The following OXTR variants were observed in gnomAD, a reference collection of about 807,000 sequenced individuals.
The protein encoded by OXTR is oxytocin receptor.
A neutral mutation model predicts 23.9 loss-of-function variants in OXTR; 19 were observed. The observed-to-expected ratio is 0.80, with a 90% CI of 0.56 to 1.17. The LOEUF (loss-of-function observed/expected upper bound fraction) is 1.17. Among genes scored for constraint, OXTR ranks in the 50% most tolerant of loss-of-function variants. The probability of loss-of-function intolerance (pLI) is 0.00; values close to 1 mark genes in which losing one functional copy is unlikely to be tolerated. For missense variants in OXTR, 500 were observed against 550.7 expected, an observed-to-expected ratio of 0.91 and a Z score of 0.92; for synonymous variants, 278 against 250.5, an observed-to-expected ratio of 1.11 and a Z score of -1.04.
At chr3:8,753,305 A>T (rs1708309824) in intron 3 of OXTR, 81 bp from the exon 4 acceptor site, 2 of 1,489,644 alleles carry the variant, frequency 1.3e-6, no homozygotes, top group African/African-American at 1.4e-5. Context: ...TGACTTAAAC[A>T]TCATTTCCTG....
downstream of OXTR, among the ~76,000 whole-genome samples, chr3:8,747,658 G>A (rs1260680712): frequency 6.6e-6 from 1 of 152,200 alleles, no homozygotes; most frequent in Non-Finnish European, 1.5e-5. Flanking sequence ...TGCTGCCTGT[G>A]CTCTCCCTTG....
Position 8,767,648 on chromosome 3 carries a change from C to T in OXTR, c.540G>A (p.Val180=). 6.2e-7 allele frequency: 1 copy of T among 1,612,818 alleles called. No individual in the cohort carries two copies. Among genetic ancestry groups the T allele is most frequent in the Non-Finnish European group, 8.5e-7 (1 of 1,179,644 alleles). The change falls in exon 3 of 4, where the codon GTG becomes GTA. Residue 180 remains valine, a synonymous_variant. Transcript: ENST00000316793. Reference sequence around the variant, plus strand: ...CCCAGCAGTCGAAGACGCCGTCAGCCACCTCGCGCAGAGAGAAGATGTGCA... The same window carrying T: ...CCCAGCAGTCGAAGACGCCGTCAGCTACCTCGCGCAGAGAGAAGATGTGCA... The part of the protein sequence containing the change: ...PQVHIFSLRE[V]ADGVFDCWAV...
At chr3:8,766,854 A>G (rs1159066373) in intron 3 of OXTR, among the ~76,000 whole-genome samples, 2 of 152,294 alleles carry the variant, frequency 1.3e-5, no homozygotes, top group East Asian at 3.9e-4. Context: ...AAGGAGCTTG[A>G]GCTTGGCCAG....
intron 3 of OXTR, among the ~76,000 whole-genome samples, chr3:8,765,249 G>C (rs1457706652): frequency 2.0e-5 from 3 of 152,194 alleles, no homozygotes; most frequent in African/African-American, 7.2e-5. Flanking sequence ...CCTTCTTTAG[G>C]GAGGACACAC....
chr3:8,765,761 A>C (rs1708593094), intron 3 of OXTR, among the ~76,000 whole-genome samples: 1 of 152,076 alleles, frequency 6.6e-6, no homozygotes, highest in Non-Finnish European at 1.5e-5. Context: ...TGTGCCTCTG[A>C]CTTGCTGTGT....
Position 8,751,255 on chromosome 3 carries a change from A to C in OXTR, c.*1722T>G, listed in dbSNP as rs78926119. 1 of 152,172 alleles carries C rather than the reference A, an allele frequency of 6.6e-6. No homozygotes were observed. The highest frequency in any genetic ancestry group is 6.6e-5 in the Admixed American group (1 of 15,262). 9.4% of individuals were successfully genotyped at this position (152,172 alleles called of 1,614,324 possible). On this transcript the variant is annotated 3_prime_UTR_variant, in exon 4 of 4. Transcript: ENST00000316793. ...TTTTTCTCCTTATTGTTGTGTTATAAGAGTTATTTATATATTCCAGATACA... is the reference window on the plus strand; with the variant it reads ...TTTTTCTCCTTATTGTTGTGTTATACGAGTTATTTATATATTCCAGATACA...
rs1398714396 is a variant in OXTR, at chr3:8,750,972, C to G, written c.*2005G>C. ...GGTACTGCCAAACTGTTTTTCAAAGCAGGTGCACCATTTACATTCCCACCA... is the reference window on the plus strand; with the variant it reads ...GGTACTGCCAAACTGTTTTTCAAAGGAGGTGCACCATTTACATTCCCACCA... On this transcript the variant is annotated 3_prime_UTR_variant, in exon 4 of 4. Coordinates refer to ENST00000316793, the MANE Select transcript of OXTR (RefSeq NM_000916.4). The G allele has an allele frequency of 1.3e-5, 2 of 152,142 alleles. No individual in the cohort carries two copies. Among genetic ancestry groups the G allele is most frequent in the South Asian group, 2.1e-4 (1 of 4,826 alleles). 9.4% of individuals were successfully genotyped at this position (152,142 alleles called of 1,614,324 possible).
Position 8,769,303 on chromosome 3 carries a change from T to C in OXTR, c.-311A>G, listed in dbSNP as rs1708712018. 6.6e-6 allele frequency: 1 copy of C among 152,406 alleles called. No individual in the cohort carries two copies. Among genetic ancestry groups the C allele is most frequent in the Non-Finnish European group, 1.5e-5 (1 of 68,174 alleles). The allele number at this position is 152,406 out of a possible 1,614,324, so 9.4% of individuals were successfully genotyped here. A position where few individuals can be genotyped will look rare whatever the true frequency, so the allele number is the denominator to read the frequency against. ...GTTGCACGGCGACTGACGGCCCCAG[T>C]GACGCGTGCGCTCCCGGCCCGAGTT... On this transcript the variant is annotated 5_prime_UTR_variant, in exon 1 of 4. Transcript: ENST00000316793.
chr3:8,762,672 G>A (rs1413861619), intron 3 of OXTR, among the ~76,000 whole-genome samples: 1 of 152,232 alleles, frequency 6.6e-6, no homozygotes, highest in Non-Finnish European at 1.5e-5. Flanking sequence ...AGGTGTACGG[G>A]ACATGCCCGA....
At chr3:8,746,143 C>T (rs77367257), downstream of OXTR, 2,938 of 436,154 alleles carry the variant, frequency 6.7e-3, 87 homozygotes, top group African/African-American at 0.051. Context: ...CAAGTCTTTG[C>T]GTTCACTTGT....
In OXTR at chr3:8,767,055, T is replaced by C. The variant is rs1202899195; in HGVS notation, c.922+211A>G. On this transcript the variant is annotated intron_variant, in intron 3 of 3. Transcript: ENST00000316793. ...GTGACAGTTGGTACTTTTATCCTTA[T>C]TGCCACCTTACAGAAGAGAAAGTGG... 2.0e-5 allele frequency among the ~76,000 whole-genome samples: 3 copies of C among 152,188 alleles called. No individual in the cohort carries two copies. In the East Asian group the frequency reaches 5.8e-4, roughly 29 times the overall value.
At chr3:8,767,051 C>T (rs916639630) in intron 3 of OXTR, among the ~76,000 whole-genome samples, 18 of 152,190 alleles carry the variant, frequency 1.2e-4, no homozygotes, top group Non-Finnish European at 1.6e-4. Context: ...TACTTTTATC[C>T]TTATTGCCAC....
chr3:8,765,246 T>C (rs548176774), intron 3 of OXTR, among the ~76,000 whole-genome samples: 16 of 152,272 alleles, frequency 1.1e-4, no homozygotes, highest in African/African-American at 3.6e-4. Context: ...TCTCCTTCTT[T>C]AGGGAGGACA....
chr3:8,745,717 G>A (rs149375325), downstream of OXTR: 95 of 1,614,182 alleles, frequency 5.9e-5, no homozygotes, highest in African/African-American at 6.1e-4. This position sits in a 1 kb window ranked among gnomAD's most constrained non-coding sequence, Gnocchi z 4.8. Flanking sequence ...ACATCTGGGC[G>A]GTGGTGCCAT....
In OXTR at chr3:8,752,568, T is replaced by C. The variant is rs199865428; in HGVS notation, c.*409A>G. 9 of 172,786 alleles carry C rather than the reference T, an allele frequency of 5.2e-5. No individual in the cohort carries two copies. The South Asian group carries it at 1.3e-3, about 25-fold the overall frequency. 10.7% of individuals were successfully genotyped at this position (172,786 alleles called of 1,614,324 possible). ...TTAGCACCACCCTTCCCATCTGAGG[T>C]CCCAACCCCACTGCTTACCCCAAGT... On this transcript the variant is annotated 3_prime_UTR_variant, in exon 4 of 4. Coordinates refer to ENST00000316793, the MANE Select transcript of OXTR (RefSeq NM_000916.4).
chr3:8,747,726 G>A (rs1392044852), downstream of OXTR, among the ~76,000 whole-genome samples: 2 of 152,192 alleles, frequency 1.3e-5, no homozygotes, highest in African/African-American at 4.8e-5. Flanking sequence ...TGCTGAAAAG[G>A]ACTAAGGCTG....
chr3:8,756,495 T>C (rs918316), intron 3 of OXTR, among the ~76,000 whole-genome samples: 18,612 of 152,142 alleles, frequency 0.12, 1,567 homozygotes, highest in East Asian at 0.24. Context: ...ATCCTGTCAG[T>C]CCCAAAGCCA....
intron 3 of OXTR, among the ~76,000 whole-genome samples, chr3:8,754,495 A>G (rs995825977): frequency 5.9e-5 from 9 of 152,164 alleles, no homozygotes; most frequent in African/African-American, 1.9e-4. Flanking sequence ...GCTCTGCAAA[A>G]TTTTTTGACA....
At chr3:8,745,546 C>T (rs115593543), downstream of OXTR, 18 of 1,614,064 alleles carry the variant, frequency 1.1e-5, no homozygotes, top group African/African-American at 4.0e-5. This position sits in a 1 kb window ranked among gnomAD's most constrained non-coding sequence, Gnocchi z 4.8. Context: ...AAGACGTGAT[C>T]GCAGAGCCTG....
Sources: allele counts gnomAD v4.1 joint callset (sites outside exome capture counted in the v4.1 genomes callset), GRCh38; gene constraint gnomAD v4.1.1; non-coding constraint Gnocchi (gnomAD v3.1); transcripts MANE v1.5; gene names NCBI Gene and HGNC (gene_info 2026-07-23, HGNC 2026-07-21).